The following PLXDC2 variants were observed in gnomAD, a reference collection of about 807,000 sequenced individuals.
PLXDC2 encodes plexin domain-containing protein 2.
Under a neutral mutation model 68.9 loss-of-function variants are expected in PLXDC2, and 40 were observed. The observed-to-expected ratio is 0.58, with a 90% CI of 0.45 to 0.76. The LOEUF (loss-of-function observed/expected upper bound fraction) is 0.76, where lower values mean the gene tolerates loss of function less well. PLXDC2 is among the 30% of genes least tolerant of loss of function. The pLI is 0.00. For missense variants in PLXDC2, 644 were observed against 661.9 expected (o/e 0.97, Z 0.30); for synonymous variants, 243 against 234.2 (o/e 1.04, Z -0.34).
rs111351408 is a variant in PLXDC2, at chr10:20,211,599, T to C, written c.1062-70T>C. On this transcript the variant is annotated intron_variant, in intron 9 of 13. Transcript: ENST00000377252. ...AATGAACTACCTACTAATCTTTTACTTTTAATTTCTGTCCACCACCCTGCA... is the reference window on the plus strand; with the variant it reads ...AATGAACTACCTACTAATCTTTTACCTTTAATTTCTGTCCACCACCCTGCA... The C allele has an allele frequency of 2.1e-4, 298 of 1,421,192 alleles. 2 individuals carry two copies. In the African/African-American group the frequency reaches 4.0e-3, roughly 19 times the overall value. The allele number at this position is 1,421,192 out of a possible 1,614,324, so 88.0% of individuals were successfully genotyped here.
chr10:19,979,976 C>G (rs1564646255), intron 1 of PLXDC2, among the ~76,000 whole-genome samples: 3 of 152,150 alleles, frequency 2.0e-5, no homozygotes, highest in African/African-American at 7.2e-5. Context: ...ATTTCCTTTT[C>G]TTAGTTAGTG....
intron 1 of PLXDC2, among the ~76,000 whole-genome samples, chr10:19,941,294 T>TC (rs1833815031): frequency 6.6e-6 from 1 of 152,146 alleles, no homozygotes; most frequent in Non-Finnish European, 1.5e-5. Context: ...CACACATGGA[T>TC]CCCTGAACCA....
At chr10:20,176,807 G>A (rs1180440041) in intron 7 of PLXDC2, among the ~76,000 whole-genome samples, 192 bp from the exon 8 acceptor site, 2 of 151,994 alleles carry the variant, frequency 1.3e-5, no homozygotes, top group South Asian at 4.2e-4. Context: ...TTTCAACTTC[G>A]CTGATAAAAA....
chr10:20,187,387 T>C (rs925883523), intron 9 of PLXDC2, among the ~76,000 whole-genome samples: 1 of 151,838 alleles, frequency 6.6e-6, no homozygotes, highest in African/African-American at 2.4e-5. Context: ...ATTTATAGGG[T>C]ACAGTGTGAT....
chr10:20,094,079 T>C (rs1207528208), intron 4 of PLXDC2, among the ~76,000 whole-genome samples: 1 of 152,190 alleles, frequency 6.6e-6, no homozygotes, highest in African/African-American at 2.4e-5. Context: ...AAATTTAAAA[T>C]ACATGGATAA....
intron 12 of PLXDC2, among the ~76,000 whole-genome samples, chr10:20,239,114 C>G (rs2119322735): frequency 6.6e-6 from 1 of 152,102 alleles, no homozygotes; most frequent in Admixed American, 6.5e-5. Context: ...CAAGGTAAGG[C>G]TTAACAAAGA....
intron 1 of PLXDC2, among the ~76,000 whole-genome samples, chr10:19,845,256 G>C (rs143672525): frequency 6.6e-6 from 1 of 152,260 alleles, no homozygotes; most frequent in South Asian, 2.1e-4. Context: ...TGTAATAAAC[G>C]TGTAGGATTT....
rs188238828 is a variant in PLXDC2, at chr10:20,267,502, A to G, written c.1474-12201A>G. ...ATGTGATTCTGGTCAATCCTGAACC[A>G]TTCTATGTAACTCAACCAGGAGCTA... is the stretch of plus-strand genomic sequence containing the variant. On this transcript the variant is annotated intron_variant, in intron 13 of 13. Transcript: ENST00000377252. Among the ~76,000 whole-genome samples, 21 of 152,256 alleles carry G rather than the reference A, an allele frequency of 1.4e-4. No homozygotes were observed. The East Asian group carries it at 1.9e-3, about 14-fold the overall frequency.
chr10:19,970,064 T>A (rs11011707), intron 1 of PLXDC2, among the ~76,000 whole-genome samples: 2 of 152,218 alleles, frequency 1.3e-5, no homozygotes, highest in African/African-American at 4.8e-5. Flanking sequence ...CCTACGTTCT[T>A]GAACTTGCCT....
intron 6 of PLXDC2, among the ~76,000 whole-genome samples, chr10:20,163,521 A>G (rs970149651): frequency 6.6e-6 from 1 of 152,218 alleles, no homozygotes. Context: ...CTGATCTAAT[A>G]TATTATTTAA....
intron 13 of PLXDC2, among the ~76,000 whole-genome samples, chr10:20,256,352 CA>C (rs1031489722): frequency 3.2e-4 from 48 of 151,706 alleles, no homozygotes; most frequent in African/African-American, 1.1e-3. Flanking sequence ...AGGCTAGTCT[CA>C]AACTCCTGAC....
intron 4 of PLXDC2, among the ~76,000 whole-genome samples, chr10:20,139,106 G>A (rs2131785573): frequency 6.6e-6 from 1 of 152,254 alleles, no homozygotes; most frequent in South Asian, 2.1e-4. Flanking sequence ...ATGACTCGAT[G>A]AGGCTTACAG....
At chr10:20,135,055 C>A (rs1233528408) in intron 4 of PLXDC2, among the ~76,000 whole-genome samples, 1 of 152,176 alleles carries the variant, frequency 6.6e-6, no homozygotes, top group African/African-American at 2.4e-5. Flanking sequence ...CACTTAGGTG[C>A]TATAATCTCT....
chr10:20,214,443 C>A (rs1222059813), intron 10 of PLXDC2, among the ~76,000 whole-genome samples: 2 of 152,064 alleles, frequency 1.3e-5, no homozygotes, highest in African/African-American at 4.8e-5. Flanking sequence ...GATTTTTCTC[C>A]CCTGTCTACT....
chr10:20,086,689 T>A (rs1833201807), intron 4 of PLXDC2, among the ~76,000 whole-genome samples: 1 of 152,132 alleles, frequency 6.6e-6, no homozygotes, highest in African/African-American at 2.4e-5. Flanking sequence ...GTTTTCTTTT[T>A]CCTCCCCTTC....
intron 1 of PLXDC2, among the ~76,000 whole-genome samples, chr10:19,853,366 A>T (rs1020829981): frequency 6.6e-5 from 10 of 151,548 alleles, no homozygotes; most frequent in African/African-American, 2.2e-4. Context: ...GCTATAACAA[A>T]TTTCTTCCTT....
intron 7 of PLXDC2, among the ~76,000 whole-genome samples, chr10:20,169,442 G>A (rs1243621815): frequency 2.0e-5 from 3 of 152,068 alleles, no homozygotes; most frequent in Non-Finnish European, 2.9e-5. Context: ...TAATTTCTTG[G>A]TAAATAGCTC....
At chr10:19,819,569 T>C (rs1303886614) in intron 1 of PLXDC2, among the ~76,000 whole-genome samples, 1 of 152,242 alleles carries the variant, frequency 6.6e-6, no homozygotes, top group Non-Finnish European at 1.5e-5. Context: ...CAACATCTGA[T>C]TTCATAACAG....
intron 1 of PLXDC2, among the ~76,000 whole-genome samples, chr10:19,965,442 C>A (rs1292152160): frequency 6.6e-6 from 1 of 152,156 alleles, no homozygotes; most frequent in Non-Finnish European, 1.5e-5. Context: ...AAATGCTATG[C>A]TTTTGCCAAA....
Sources: allele counts gnomAD v4.1 joint callset (sites outside exome capture counted in the v4.1 genomes callset), GRCh38; gene constraint gnomAD v4.1.1; transcripts MANE v1.5; gene names NCBI Gene and HGNC (gene_info 2026-07-23, HGNC 2026-07-21).